GXYLT2: variants seen among roughly 807,000 people sequenced by gnomAD.
GXYLT2 encodes glucoside xylosyltransferase 2, also known as glycosyltransferase 8 domain containing 4.
A neutral mutation model predicts 45.8 loss-of-function variants in GXYLT2; 53 were observed. The ratio of observed to expected loss-of-function variants is 1.16; its 90% CI spans 0.93 to 1.46. GXYLT2 has a LOEUF of 1.46. GXYLT2 is among the 40% of genes most tolerant of loss of function. The probability of loss-of-function intolerance (pLI) is 0.00; values close to 1 mark genes in which losing one functional copy is unlikely to be tolerated. For missense variants in GXYLT2, 551 were observed against 544.4 expected, an observed-to-expected ratio of 1.01 and a Z score of -0.12; for synonymous variants, 219 against 214.2, an observed-to-expected ratio of 1.02 and a Z score of -0.19.
rs749945283 is a variant in GXYLT2, at chr3:72,957,213, GT to G, written c.853-12del. On this transcript the variant is annotated splice_polypyrimidine_tract_variant and intron_variant, in intron 4 of 6. Coordinates refer to ENST00000389617, the MANE Select transcript of GXYLT2 (RefSeq NM_001080393.2). ...TTGCTTTGCTTCAGCTGTTCTGATGGTTTTCTTTTTTCCAGAACAGCATGAT... is the reference window on the plus strand; with the variant it reads ...TTGCTTTGCTTCAGCTGTTCTGATGGTTTCTTTTTTCCAGAACAGCATGAT... 6.2e-7 allele frequency: 1 copy of G among 1,601,578 alleles called. No homozygotes were observed. The highest frequency in any genetic ancestry group is 1.1e-5 in the South Asian group (1 of 89,072).
chr3:72,925,703 A>G (rs566577292), intron 3 of GXYLT2, among the ~76,000 whole-genome samples: 11 of 152,142 alleles, frequency 7.2e-5, no homozygotes, highest in Non-Finnish European at 1.6e-4. Flanking sequence ...TAGCTACCCA[A>G]TGGAACTACA....
At chr3:72,902,051 A>T (rs1004202553) in intron 1 of GXYLT2, among the ~76,000 whole-genome samples, 1 of 152,208 alleles carries the variant, frequency 6.6e-6, no homozygotes, top group Non-Finnish European at 1.5e-5. Context: ...ATTCCATTGT[A>T]TGGATATACC....
chr3:72,939,164 A>C (rs112263395), intron 3 of GXYLT2, among the ~76,000 whole-genome samples: 1,642 of 152,360 alleles, frequency 0.011, 26 homozygotes, highest in African/African-American at 0.037. Flanking sequence ...AGATTAAAAC[A>C]GTGTGGAACA....
intron 5 of GXYLT2, among the ~76,000 whole-genome samples, chr3:72,963,357 G>C (rs1710802234): frequency 1.3e-5 from 2 of 152,026 alleles, no homozygotes; most frequent in Admixed American, 6.6e-5. Flanking sequence ...CAGATTACTT[G>C]AGATAAGGAG....
rs183639315 is a variant in GXYLT2 at position 72,906,739 on chromosome 3, T to C, written c.276-1628T>C. Reference sequence around the variant, plus strand: ...CTGAAATAAAGAGAGACAGGCAATGTATGTGCCAAGACCTGGAGCCAACAC... The same window carrying C: ...CTGAAATAAAGAGAGACAGGCAATGCATGTGCCAAGACCTGGAGCCAACAC... On this transcript the variant is annotated intron_variant, in intron 1 of 6. Coordinates refer to ENST00000389617, the MANE Select transcript of GXYLT2 (RefSeq NM_001080393.2). Among the ~76,000 whole-genome samples, 6 of 152,246 alleles carry C rather than the reference T, an allele frequency of 3.9e-5. No individual in the cohort carries two copies. The East Asian group carries it at 9.7e-4, about 25-fold the overall frequency.
chr3:72,969,003 G>A (rs1489364474), intron 6 of GXYLT2, among the ~76,000 whole-genome samples: 8 of 151,978 alleles, frequency 5.3e-5, no homozygotes, highest in Non-Finnish European at 8.8e-5. Flanking sequence ...CCCAGGAGGC[G>A]GAGCTTGCAG....
At position 72,908,514 on chromosome 3, in the gene GXYLT2, C is replaced by G; in HGVS notation, c.423C>G (p.Phe141Leu). The G allele has an allele frequency of 6.2e-7, 1 of 1,613,682 alleles. No homozygotes were observed. The highest frequency in any genetic ancestry group is 8.5e-7 in the Non-Finnish European group (1 of 1,179,840). ...TTTTTAGCCACAGGAAGATCCAATT[C>G]CACATCTTCACTGAAGACTCTCTGA... ...AVLFSHRKIQ[F>L]HIFTEDSLKP... The change falls in exon 2 of 7, where the codon TTC becomes TTG. Residue 141 changes from phenylalanine to leucine, a missense_variant. Transcript: ENST00000389617.
intron 3 of GXYLT2, among the ~76,000 whole-genome samples, chr3:72,946,654 T>A (rs34347791): frequency 0.1 from 15,500 of 152,122 alleles, 1,296 homozygotes; most frequent in East Asian, 0.43. Flanking sequence ...AGGGTGCTAA[T>A]CCTATTCGTG....
intron 1 of GXYLT2, among the ~76,000 whole-genome samples, chr3:72,905,657 G>A (rs1033512345): frequency 7.2e-5 from 11 of 152,074 alleles, no homozygotes; most frequent in East Asian, 3.9e-4. Context: ...GTTGGACTGC[G>A]GGGGTGGAAG....
chr3:72,957,345 C>T lies in GXYLT2; in HGVS notation c.969C>T (p.Phe323=), dbSNP rs1710668371. Residue 323 remains phenylalanine, a synonymous_variant, in exon 5 of 7, where the codon TTC becomes TTT. Coordinates refer to ENST00000389617, the MANE Select transcript of GXYLT2 (RefSeq NM_001080393.2). ...DQDLLNIIFY[F]NPECLYVFPC... is the part of the protein sequence containing the mutation. The stretch of plus-strand genomic sequence containing the variant: ...ATTTATTAAATATTATTTTTTATTT[C>T]AACCCAGGTAGGTTATCTTTGGAGA... The T allele has an allele frequency of 6.2e-7, 1 of 1,605,534 alleles. No homozygotes were observed. Among genetic ancestry groups the T allele is most frequent in the African/African-American group, 1.3e-5 (1 of 74,368 alleles).
chr3:72,923,421 GTAAA>G (rs1709865911), intron 3 of GXYLT2, among the ~76,000 whole-genome samples: 1 of 151,780 alleles, frequency 6.6e-6, no homozygotes, highest in Admixed American at 6.6e-5. Flanking sequence ...TCTCAAAAAA[GTAAA>G]TAAAGAAATA....
At chr3:72,899,361 C>T (rs1255992835) in intron 1 of GXYLT2, among the ~76,000 whole-genome samples, 1 of 152,020 alleles carries the variant, frequency 6.6e-6, no homozygotes, top group South Asian at 2.1e-4. Context: ...TCATGAAGCC[C>T]CCTTCATGGA....
At chr3:72,899,192 A>T (rs1375950050) in intron 1 of GXYLT2, among the ~76,000 whole-genome samples, 5 of 152,208 alleles carry the variant, frequency 3.3e-5, no homozygotes, top group Non-Finnish European at 7.3e-5. Context: ...AAAAGCAAAC[A>T]CACACACGTA....
intron 1 of GXYLT2, among the ~76,000 whole-genome samples, chr3:72,903,235 G>T (rs1006198307): frequency 6.6e-6 from 1 of 152,132 alleles, no homozygotes; most frequent in African/African-American, 2.4e-5. Flanking sequence ...TAGGTCTTAC[G>T]CAAGACCATT....
chr3:72,947,465 A>G (rs923799801), intron 3 of GXYLT2, among the ~76,000 whole-genome samples: 1 of 152,106 alleles, frequency 6.6e-6, no homozygotes, highest in African/African-American at 2.4e-5. Flanking sequence ...TGTATATCCT[A>G]TGGAGCCTTT....
At chr3:72,903,580 G>A (rs1709446883) in intron 1 of GXYLT2, among the ~76,000 whole-genome samples, 2 of 152,080 alleles carry the variant, frequency 1.3e-5, no homozygotes, top group Non-Finnish European at 2.9e-5. Flanking sequence ...CTGTGAGTTG[G>A]GAGTCTGCAA....
At chr3:72,923,741 G>GTAACATGGGGTTCCATCC (rs1451227783) in intron 3 of GXYLT2, among the ~76,000 whole-genome samples, 14 of 152,208 alleles carry the variant, frequency 9.2e-5, no homozygotes, top group Admixed American at 9.2e-4. Context: ...ATGGATGTAT[G>GTAACATGGGGTTCCATCC]TAACATGGGG....
rs190789820 is a variant in GXYLT2, at chr3:72,954,973, T to G, written c.601-125T>G. ...GCTAAGAGTGGTACCTTTCCAGAAT[T>G]TAATACGAATCAACAAAAGTTGGTA... On this transcript the variant is annotated intron_variant, in intron 3 of 6. Transcript: ENST00000389617. 4.7e-5 allele frequency: 44 copies of G among 927,062 alleles called. No individual in the cohort carries two copies. In the African/African-American group the frequency reaches 6.6e-4, roughly 14 times the overall value. 57.4% of individuals were successfully genotyped at this position (927,062 alleles called of 1,614,324 possible).
intron 4 of GXYLT2, 112 bp downstream of exon 4, chr3:72,955,461 G>A: frequency 1.2e-6 from 1 of 855,546 alleles, no homozygotes; most frequent in Non-Finnish European, 1.8e-6. Context: ...GCCTATAGGT[G>A]AGGATAAAAG....
Sources: gnomAD v4.1 joint callset for allele counts (sites outside exome capture counted in the v4.1 genomes callset) on GRCh38, gnomAD v4.1.1 for gene constraint, MANE v1.5 for transcripts, NCBI Gene and HGNC (gene_info 2026-07-23, HGNC 2026-07-21) for gene names.